The following ST8SIA6 variants were observed in gnomAD, a reference collection of about 807,000 sequenced individuals.
The protein encoded by ST8SIA6 is alpha-2,8-sialyltransferase 8F.
Under a neutral mutation model 33.6 loss-of-function variants are expected in ST8SIA6, and 39 were observed. The ratio of observed to expected loss-of-function variants is 1.16; its 90% CI spans 0.90 to 1.52. ST8SIA6 has a LOEUF of 1.52. ST8SIA6 is among the 40% of genes most tolerant of loss of function. The pLI, the probability that ST8SIA6 is intolerant of heterozygous loss-of-function variation, is 0.00. For synonymous variants in ST8SIA6, 172 were observed against 167.2 expected (o/e 1.03, Z -0.22); for missense variants, 441 against 443.8 (o/e 0.99, Z 0.06).
intron 2 of ST8SIA6, among the ~76,000 whole-genome samples, chr10:17,393,274 G>A (rs1850685518): frequency 6.6e-6 from 1 of 152,200 alleles, no homozygotes; most frequent in Admixed American, 6.5e-5. Context: ...GCTTGGAGAA[G>A]GCAGGTCATG....
intron 3 of ST8SIA6, among the ~76,000 whole-genome samples, chr10:17,364,273 A>G (rs1046486204): frequency 6.6e-6 from 1 of 152,198 alleles, no homozygotes; most frequent in Non-Finnish European, 1.5e-5. Flanking sequence ...GCTGGTTCCA[A>G]TTTAACCTAA....
chr10:17,417,107 A>G (rs954258636), intron 2 of ST8SIA6, among the ~76,000 whole-genome samples: 2 of 152,164 alleles, frequency 1.3e-5, no homozygotes, highest in African/African-American at 4.8e-5. Context: ...GCTTATAATC[A>G]TGGCGGGATG....
chr10:17,334,904 T>C (rs74117636), intron 4 of ST8SIA6, among the ~76,000 whole-genome samples: 11 of 152,324 alleles, frequency 7.2e-5, no homozygotes, highest in African/African-American at 2.4e-4. Flanking sequence ...TCTCCAATGA[T>C]GTAGATGCCT....
At chr10:17,359,357 T>A (rs1282094072) in intron 4 of ST8SIA6, among the ~76,000 whole-genome samples, 157 bp downstream of exon 4, 2 of 152,206 alleles carry the variant, frequency 1.3e-5, no homozygotes, top group Non-Finnish European at 2.9e-5. Context: ...GGAGATGGAA[T>A]GCCCTGTGCC....
chr10:17,318,579 C>T lies in ST8SIA6; in HGVS notation c.*2299G>A. ...TCCATTCTCAATGCCCTTAGATGTA[C>T]TTGAGTTTTAAGAGCAGAAGATCAC... On this transcript the variant is annotated 3_prime_UTR_variant, in exon 8 of 8. Transcript: ENST00000377602. 4.6e-6 allele frequency: 2 copies of T among 433,970 alleles called. No individual in the cohort carries two copies. Among genetic ancestry groups the T allele is most frequent in the Non-Finnish European group, 9.4e-6 (2 of 212,850 alleles). The allele number at this position is 433,970 out of a possible 1,614,324, so 26.9% of individuals were successfully genotyped here.
chr10:17,392,284 G>A (rs1346387404), intron 2 of ST8SIA6, among the ~76,000 whole-genome samples: 2 of 152,196 alleles, frequency 1.3e-5, no homozygotes, highest in African/African-American at 2.4e-5. Flanking sequence ...AGGGGTCAGA[G>A]GAGGCCTCCA....
At chr10:17,388,355 T>G (rs1850458070) in intron 3 of ST8SIA6, among the ~76,000 whole-genome samples, 1 of 152,144 alleles carries the variant, frequency 6.6e-6, no homozygotes. Flanking sequence ...GTTAGTCTAT[T>G]TACCCAGAGG....
intron 2 of ST8SIA6, among the ~76,000 whole-genome samples, chr10:17,447,632 T>A (rs1852767149): frequency 6.6e-6 from 1 of 152,040 alleles, no homozygotes; most frequent in South Asian, 2.1e-4. Context: ...AAATGATAAA[T>A]TCCAAGCAAT....
At position 17,318,247 on chromosome 10, in the gene ST8SIA6, ACT is replaced by A. The variant is rs1847837889; in HGVS notation, c.*2629_*2630del. 2 of 154,880 alleles carry A rather than the reference ACT, an allele frequency of 1.3e-5. No homozygotes were observed. Among genetic ancestry groups the A allele is most frequent in the Admixed American group, 1.3e-4 (2 of 15,682 alleles). 9.6% of individuals were successfully genotyped at this position (154,880 alleles called of 1,614,324 possible). ...TTTTTCTTTTTTGAGACAGGGTCTC[ACT>A]CTGTCACACAGGCTAGAATGCAGTG... On this transcript the variant is annotated 3_prime_UTR_variant, in exon 8 of 8. Transcript: ENST00000377602.
At chr10:17,424,792 G>A (rs540025374) in intron 2 of ST8SIA6, among the ~76,000 whole-genome samples, 2 of 149,940 alleles carry the variant, frequency 1.3e-5, no homozygotes, top group South Asian at 2.1e-4. Context: ...GGAGTGCAGT[G>A]GCACAATCTC....
At chr10:17,390,018 T>C (rs1422080324) in intron 3 of ST8SIA6, among the ~76,000 whole-genome samples, 1 of 152,156 alleles carries the variant, frequency 6.6e-6, no homozygotes, top group Non-Finnish European at 1.5e-5. Context: ...AGTCAGGGTC[T>C]TGCTCTGTCC....
chr10:17,414,256 A>G (rs544914351), intron 2 of ST8SIA6, among the ~76,000 whole-genome samples: 2 of 152,350 alleles, frequency 1.3e-5, no homozygotes, highest in Admixed American at 6.5e-5. Flanking sequence ...TGAACTTCAA[A>G]TGGGCATTTA....
At chr10:17,375,040 G>T (rs982553984) in intron 3 of ST8SIA6, among the ~76,000 whole-genome samples, 1 of 151,378 alleles carries the variant, frequency 6.6e-6, no homozygotes, top group African/African-American at 2.4e-5. Flanking sequence ...GGCCTCAAGC[G>T]ATCCTCCAGC....
intron 7 of ST8SIA6, among the ~76,000 whole-genome samples, chr10:17,321,844 T>G (rs975549029): frequency 2.6e-5 from 4 of 152,144 alleles, no homozygotes; most frequent in Admixed American, 1.3e-4. Flanking sequence ...CTCATGCTTG[T>G]CAGCACTTTG....
chr10:17,399,324 CG>C (rs1345275008), intron 2 of ST8SIA6: 1 of 152,080 alleles, frequency 6.6e-6, no homozygotes, highest in African/African-American at 2.4e-5. Flanking sequence ...GAATGAAAGC[CG>C]GCTATCTTCC....
intron 3 of ST8SIA6, among the ~76,000 whole-genome samples, chr10:17,389,291 A>G (rs1850494919): frequency 6.6e-6 from 1 of 152,182 alleles, no homozygotes; most frequent in Non-Finnish European, 1.5e-5. Context: ...CTCCATTGCA[A>G]TTCACCTGTC....
At chr10:17,387,006 C>T (rs1850388555) in intron 3 of ST8SIA6, 1 of 152,290 alleles carries the variant, frequency 6.6e-6, no homozygotes, top group Non-Finnish European at 1.5e-5. Flanking sequence ...CTCCCTCTTT[C>T]TGATCTCTTT....
chr10:17,447,825 T>TAAA (rs1852775772), intron 2 of ST8SIA6, among the ~76,000 whole-genome samples: 1 of 150,660 alleles, frequency 6.6e-6, no homozygotes, highest in Non-Finnish European at 1.5e-5. Flanking sequence ...TAAAAAAAAT[T>TAAA]TTTTTTTGAG....
intron 2 of ST8SIA6, among the ~76,000 whole-genome samples, chr10:17,439,785 G>A (rs901770411): frequency 6.6e-5 from 10 of 152,204 alleles, no homozygotes; most frequent in African/African-American, 1.4e-4. Context: ...GGCATGTGAA[G>A]AAGAGGAATC....
Sources: allele counts gnomAD v4.1 joint callset (sites outside exome capture counted in the v4.1 genomes callset), GRCh38; gene constraint gnomAD v4.1.1; transcripts MANE v1.5; gene names NCBI Gene and HGNC (gene_info 2026-07-23, HGNC 2026-07-21).